The following HOMER2 variants were observed in gnomAD, a reference collection of about 807,000 sequenced individuals.
HOMER2 encodes homer scaffold protein 2, also known as homer protein homolog 2.
A neutral mutation model predicts 47.0 loss-of-function variants in HOMER2; 27 were observed. The ratio of observed to expected loss-of-function variants is 0.57; its 90% CI spans 0.42 to 0.79. The LOEUF (loss-of-function observed/expected upper bound fraction) is 0.79, where lower values mean the gene tolerates loss of function less well. Among genes scored for constraint, HOMER2 ranks in the 30% least tolerant of loss-of-function variants. The pLI is 0.00. For synonymous variants in HOMER2, 161 were observed against 163.8 expected (o/e 0.98, Z 0.13); for missense variants, 443 against 435.0 (o/e 1.02, Z -0.16).
At chr15:82,896,340 G>T (rs971632619) in intron 1 of HOMER2, among the ~76,000 whole-genome samples, 1 of 152,208 alleles carries the variant, frequency 6.6e-6, no homozygotes, top group African/African-American at 2.4e-5. Flanking sequence ...TCCTGACCAG[G>T]CACAGGCAAA....
Position 82,851,171 on chromosome 15 carries a change from A to G in HOMER2, c.823T>C (p.Tyr275His), listed in dbSNP as rs1480507502. The G allele has an allele frequency of 6.3e-7, 1 of 1,580,360 alleles. No individual in the cohort carries two copies. Among genetic ancestry groups the G allele is most frequent in the East Asian group, 2.3e-5 (1 of 43,810 alleles). Residue 275 changes from tyrosine (Y) to histidine (H), a missense_variant, in exon 8 of 9, where the codon TAT becomes CAT. Physicochemically the swap from Tyr to His is moderately conservative, Grantham distance 83. Transcript: ENST00000450735. ...CGTACCTCTAGCTTCTCAGAGACAT[A>G]TTCGCACTCTGACATGAGCTGAGGT... ...IIPQLMSECE[Y>H]VSEKLEAAER...
intron 3 of HOMER2, among the ~76,000 whole-genome samples, chr15:82,874,138 A>G (rs2151067720): frequency 6.6e-6 from 1 of 152,342 alleles, no homozygotes; most frequent in Non-Finnish European, 1.5e-5. Context: ...CTGCATCCTC[A>G]GTGCTGAGGA....
intron 1 of HOMER2, among the ~76,000 whole-genome samples, chr15:82,936,220 A>G (rs2054140470): frequency 6.6e-6 from 1 of 152,104 alleles, no homozygotes; most frequent in Admixed American, 6.6e-5. Context: ...TAGCAGCCTA[A>G]ATGTCACCAC....
exon 2 of HOMER2, chr15:82,842,461 A>ATTTTTTTTTTTTTTT (rs372884842): frequency 6.2e-5 from 7 of 112,776 alleles, no homozygotes; most frequent in Non-Finnish European, 9.0e-5. Flanking sequence ...CAGCCAGCTA[A>ATTTTTTTTTTTTTTT]TTTTTTTTTT....
At chr15:82,965,760 T>C (rs1665437645) in intron 1 of HOMER2, among the ~76,000 whole-genome samples, 1 of 150,898 alleles carries the variant, frequency 6.6e-6, no homozygotes, top group Non-Finnish European at 1.5e-5. Context: ...AAGTGGGTCC[T>C]CAAAGCCCTT....
chr15:82,951,570 G>A (rs1445450987), intron 1 of HOMER2, among the ~76,000 whole-genome samples: 2 of 152,208 alleles, frequency 1.3e-5, no homozygotes, highest in Non-Finnish European at 2.9e-5. Context: ...TGAGTCCTGC[G>A]AAGGGCTGTT....
At chr15:82,943,455 G>A (rs1049538939) in intron 1 of HOMER2, among the ~76,000 whole-genome samples, 1 of 152,150 alleles carries the variant, frequency 6.6e-6, no homozygotes, top group African/African-American at 2.4e-5. Context: ...ACCTCCACTG[G>A]GAGCTCCTTT....
chr15:82,854,716 C>T lies in HOMER2; in HGVS notation c.579G>A (p.Ser193=), dbSNP rs1488334067. Residue 193 remains serine (S), a synonymous_variant, in exon 6 of 9, where the codon TCG becomes TCA. Transcript: ENST00000450735. ...TCTTCCACTGCTCCACACTGGCTGC[C>T]GACTCCTGCAGTGCTGTGGTCAGCC... ...NARLTTALQE[S]AASVEQWKRQ... The T allele has an allele frequency of 5.0e-6, 8 of 1,612,970 alleles. No individual in the cohort carries two copies. The highest frequency in any genetic ancestry group is 1.3e-5 in the African/African-American group (1 of 75,064).
chr15:82,934,672 C>G (rs1245269285), intron 1 of HOMER2, among the ~76,000 whole-genome samples: 1 of 152,166 alleles, frequency 6.6e-6, no homozygotes, highest in Admixed American at 6.5e-5. Context: ...CCCTGCCTGG[C>G]CGAACCCCAG....
chr15:82,944,551 C>T (rs1396727941), intron 1 of HOMER2, among the ~76,000 whole-genome samples: 2 of 152,134 alleles, frequency 1.3e-5, no homozygotes, highest in Non-Finnish European at 2.9e-5. Context: ...AGAAAAATGC[C>T]TTTTCTCTAT....
intron 1 of HOMER2, among the ~76,000 whole-genome samples, chr15:82,966,078 G>A (rs1487878828): frequency 2.0e-5 from 3 of 152,166 alleles, no homozygotes; most frequent in South Asian, 2.1e-4. Context: ...TCCAGCCTGG[G>A]TGACAGAGTG....
At chr15:82,946,502 C>T (rs190106727) in intron 1 of HOMER2, among the ~76,000 whole-genome samples, 5 of 152,254 alleles carry the variant, frequency 3.3e-5, no homozygotes, top group African/African-American at 1.2e-4. Context: ...ACCTGCTGTT[C>T]GCACTATTCA....
At position 82,879,552 on chromosome 15, in the gene HOMER2, T is replaced by C. The variant is rs2052459248; in HGVS notation, c.163-4148A>G. On this transcript the variant is annotated intron_variant, in intron 2 of 8. Transcript: ENST00000450735. ...AATCATAGTTTGCAATAGCATTGTCTTAAAAAATAAAAACAATCTGCATAC... is the reference window on the plus strand; with the variant it reads ...AATCATAGTTTGCAATAGCATTGTCCTAAAAAATAAAAACAATCTGCATAC... Among the ~76,000 whole-genome samples the C allele has an allele frequency of 2.0e-5, 3 of 152,168 alleles. No homozygotes were observed. The South Asian group carries it at 6.2e-4, about 32-fold the overall frequency.
At chr15:82,882,055 T>A (rs899580734) in intron 2 of HOMER2, among the ~76,000 whole-genome samples, 2 of 152,248 alleles carry the variant, frequency 1.3e-5, no homozygotes, top group African/African-American at 4.8e-5. Flanking sequence ...AGTTTCTTTA[T>A]AATGGAGTTG....
intron 7 of HOMER2, 138 bp from the exon 8 acceptor site, chr15:82,851,369 C>A (rs1332802949): frequency 1.5e-6 from 1 of 647,468 alleles, no homozygotes; most frequent in Admixed American, 2.4e-5. Flanking sequence ...AGTGACCATG[C>A]GAATACTTCA....
chr15:82,963,019 C>T (rs1294004392), intron 1 of HOMER2, among the ~76,000 whole-genome samples: 1 of 152,142 alleles, frequency 6.6e-6, no homozygotes, highest in Non-Finnish European at 1.5e-5. Context: ...GTAGCTCACA[C>T]CTGTAATCCT....
chr15:82,858,932 T>C, intron 5 of HOMER2, 97 bp downstream of exon 5: 3 of 1,419,512 alleles, frequency 2.1e-6, no homozygotes, highest in Non-Finnish European at 2.9e-6. Context: ...GTCCCAGTTT[T>C]CTCTCCCAAT....
chr15:82,939,211 C>T (rs2054207124), intron 1 of HOMER2, among the ~76,000 whole-genome samples: 1 of 152,186 alleles, frequency 6.6e-6, no homozygotes, highest in Non-Finnish European at 1.5e-5. Flanking sequence ...TCTTACGTTC[C>T]CAATCTCAGT....
intron 1 of HOMER2, among the ~76,000 whole-genome samples, chr15:82,939,649 G>GA (rs1228781088): frequency 6.6e-6 from 1 of 152,152 alleles, no homozygotes; most frequent in Non-Finnish European, 1.5e-5. Context: ...CAGCCTGGGT[G>GA]AAAGAGCAAG....
Sources: allele counts gnomAD v4.1 joint callset (sites outside exome capture counted in the v4.1 genomes callset), GRCh38; gene constraint gnomAD v4.1.1; transcripts MANE v1.5; gene names NCBI Gene and HGNC (gene_info 2026-07-23, HGNC 2026-07-21).